The following ELF2 variants were observed in gnomAD, a reference collection of about 807,000 sequenced individuals.
ELF2 encodes E74 like ETS transcription factor 2, also known as ETS-related transcription factor Elf-2.
In ELF2, 11 loss-of-function variants were observed where a neutral mutation model predicts 54.8. That is an observed-to-expected ratio of 0.20 (90% CI 0.13 to 0.33). The LOEUF is 0.33. Ranked by LOEUF, ELF2 falls within the 10% of genes least tolerant of loss-of-function variation. The pLI is 1.00. For missense variants in ELF2, 513 were observed against 703.0 expected (o/e 0.73, Z 3.06); for synonymous variants, 203 against 245.1 (o/e 0.83, Z 1.61).
At chr4:139,136,828 C>T (rs1313004471) in intron 3 of ELF2, 1 of 151,626 alleles carries the variant, frequency 6.6e-6, no homozygotes, top group Non-Finnish European at 1.5e-5. Flanking sequence ...CCACGCCTGG[C>T]TAATTTTTTT....
At position 139,103,823 on chromosome 4, in the gene ELF2, C is replaced by A. The variant is rs116185234; in HGVS notation, c.238+21341G>T. 4.4e-3 allele frequency among the ~76,000 whole-genome samples: 672 copies of A among 152,322 alleles called. 9 individuals are homozygous for A. The highest frequency in any genetic ancestry group is 0.015 in the African/African-American group (638 of 41,566). On this transcript the variant is annotated intron_variant, in intron 4 of 9. Coordinates refer to ENST00000686138, the MANE Select transcript of ELF2 (RefSeq NM_001331036.3). Reference sequence around the variant, plus strand: ...CATGGTAATCAGATGTCCCAGAGGTCTTCTGTGTTAACTGTTGAGAGCATA... The same window carrying A: ...CATGGTAATCAGATGTCCCAGAGGTATTCTGTGTTAACTGTTGAGAGCATA...
At chr4:139,122,221 C>G (rs149577610) in intron 4 of ELF2, among the ~76,000 whole-genome samples, 1 of 152,298 alleles carries the variant, frequency 6.6e-6, no homozygotes, top group African/African-American at 2.4e-5. Flanking sequence ...GGGAAGTATT[C>G]TATACAGATC....
chr4:139,150,941 C>T lies in ELF2; in HGVS notation c.-251-11444G>A, dbSNP rs567083540. 5.0e-4 allele frequency among the ~76,000 whole-genome samples: 73 copies of T among 146,490 alleles called. 1 individual carries two copies. Among genetic ancestry groups the T allele is most frequent in the African/African-American group, 1.7e-3 (66 of 38,464 alleles). The stretch of plus-strand genomic sequence containing the variant: ...TCAGGAGACTGAGGCAGGAGAATGG[C>T]GTGAACCCGGGAGGCGAGCTTGCAG... On this transcript the variant is annotated intron_variant, in intron 1 of 9. Transcript: ENST00000686138.
chr4:139,106,695 G>T, intron 4 of ELF2, among the ~76,000 whole-genome samples: 1 of 148,296 alleles, frequency 6.7e-6, no homozygotes, highest in Non-Finnish European at 1.5e-5. Context: ...AGAAACACAT[G>T]CATTGATATA....
rs1041252821 is a variant in ELF2 at position 139,078,681 on chromosome 4, T to C, written c.239-5114A>G. On this transcript the variant is annotated intron_variant, in intron 4 of 9. Transcript: ENST00000686138. ...ATTAATTAAAATTAAAAATTGAGTT[T>C]CTTAGCTACATTTTAAGTACTCAGA... Among the ~76,000 whole-genome samples the C allele has an allele frequency of 1.5e-4, 23 of 151,910 alleles. 1 individual carries two copies. The highest frequency in any genetic ancestry group is 5.1e-4 in the African/African-American group (21 of 41,342).
At chr4:139,134,557 A>G (rs965318662) in intron 3 of ELF2, among the ~76,000 whole-genome samples, 8 of 144,410 alleles carry the variant, frequency 5.5e-5, no homozygotes, top group African/African-American at 1.9e-4. Flanking sequence ...GTATTGTTTT[A>G]TTTTATGTTA....
At chr4:139,164,128 G>A (rs1009702409) in intron 1 of ELF2, among the ~76,000 whole-genome samples, 19 of 145,740 alleles carry the variant, frequency 1.3e-4, no homozygotes, top group African/African-American at 4.8e-4. Flanking sequence ...GGGAGAGAGA[G>A]AAAGAGAAAG....
intron 4 of ELF2, among the ~76,000 whole-genome samples, chr4:139,122,937 C>T (rs958348081): frequency 2.0e-5 from 3 of 151,822 alleles, no homozygotes; most frequent in Admixed American, 2.0e-4. Flanking sequence ...ATAATCCCAG[C>T]ACTTTGGGAG....
At chr4:139,172,325 A>G (rs1742389421) in intron 1 of ELF2, among the ~76,000 whole-genome samples, 1 of 152,238 alleles carries the variant, frequency 6.6e-6, no homozygotes, top group Admixed American at 6.5e-5. Flanking sequence ...AAAATGATAA[A>G]TGGAAAATTT....
At chr4:139,137,609 G>A in intron 3 of ELF2, 21 bp downstream of exon 3, 1 of 1,604,582 alleles carries the variant, frequency 6.2e-7, no homozygotes, top group Non-Finnish European at 8.5e-7. Context: ...AAATAGAAAT[G>A]TAATTCATTG....
At position 139,073,564 on chromosome 4, in the gene ELF2, T is replaced by C; in HGVS notation, c.242A>G (p.Glu81Gly). ...TGCATTACTGCTGTGAACTGATGCTTCCACTGGAGGAAAAATAAGTTCTAC... is the reference window on the plus strand; with the variant it reads ...TGCATTACTGCTGTGAACTGATGCTCCCACTGGAGGAAAAATAAGTTCTAC... ...EVETENVETVEASVHSSNAHC... is the reference protein window; with the variant it reads ...EVETENVETVGASVHSSNAHC... Residue 81 changes from glutamate to glycine, a missense_variant, in exon 5 of 10, where the codon GAA becomes GGA. Physicochemically the swap from Glu to Gly is moderately conservative, Grantham distance 98. Around this residue, in one of 3 missense-constraint regions of ELF2, gnomAD observed 203 missense variants for 245.9 expected, o/e 0.83. Transcript: ENST00000686138. 1.3e-6 allele frequency: 2 copies of C among 1,518,274 alleles called. No individual in the cohort carries two copies. The highest frequency in any genetic ancestry group is 1.4e-5 in the African/African-American group (1 of 72,730). 94.1% of individuals were successfully genotyped at this position (1,518,274 alleles called of 1,614,324 possible).
Position 139,072,037 on chromosome 4 carries a change from C to T in ELF2, c.355G>A (p.Glu119Lys), listed in dbSNP as rs764454479. The T allele has an allele frequency of 1.9e-6, 3 of 1,606,992 alleles. No homozygotes were observed. Among genetic ancestry groups the T allele is most frequent in the Non-Finnish European group, 2.5e-6 (3 of 1,178,518 alleles). Residue 119 changes from glutamate (E) to lysine (K), a missense_variant and splice_region_variant, in exon 6 of 10, where the codon GAA becomes AAA. Transcript: ENST00000686138. ...TCLRDSRSPV[E>K]VFVPPCVSTP... ...GATACACAAGGAGGAACAAACACTT[C>T]CACTATAAAAAAAAGTTGAAAAATT...
intron 9 of ELF2, 30 bp from the exon 10 acceptor site, chr4:139,059,637 A>G: frequency 6.3e-7 from 1 of 1,583,838 alleles, no homozygotes; most frequent in Non-Finnish European, 8.6e-7. Flanking sequence ...AAAGCTGATT[A>G]TATTTAATGC....
chr4:139,114,537 T>G (rs1002971229), intron 4 of ELF2, among the ~76,000 whole-genome samples: 3 of 99,940 alleles, frequency 3.0e-5, no homozygotes, highest in Non-Finnish European at 4.0e-5. Context: ...CACTCCAGCC[T>G]GGCAACAGAG....
At chr4:139,097,435 G>C (rs1733397851) in intron 4 of ELF2, among the ~76,000 whole-genome samples, 1 of 152,032 alleles carries the variant, frequency 6.6e-6, no homozygotes, top group Non-Finnish European at 1.5e-5. Context: ...GGCAAATATG[G>C]GTGAAACCCC....
intron 4 of ELF2, among the ~76,000 whole-genome samples, chr4:139,097,360 C>T (rs576179380): frequency 2.9e-4 from 44 of 152,120 alleles, no homozygotes; most frequent in Admixed American, 1.0e-3. Flanking sequence ...TTCGGCCAGA[C>T]GCGGTGGCAC....
chr4:139,092,790 C>T (rs1263137602), intron 4 of ELF2, among the ~76,000 whole-genome samples: 1 of 151,602 alleles, frequency 6.6e-6, no homozygotes, highest in Non-Finnish European at 1.5e-5. Flanking sequence ...GACAGAGAGA[C>T]TCCGTCTCAA....
intron 3 of ELF2, among the ~76,000 whole-genome samples, chr4:139,128,814 A>AC (rs1202760478): frequency 5.3e-5 from 8 of 151,312 alleles, no homozygotes; most frequent in African/African-American, 1.9e-4. Flanking sequence ...GGGCCACCAT[A>AC]CCCAGCCTCA....
chr4:139,062,954 T>C (rs529798620), intron 7 of ELF2, among the ~76,000 whole-genome samples: 1 of 152,212 alleles, frequency 6.6e-6, no homozygotes, highest in African/African-American at 2.4e-5. Flanking sequence ...TAAGACTTGA[T>C]AGCAAAGAAC....
Sources: allele counts gnomAD v4.1 joint callset (sites outside exome capture counted in the v4.1 genomes callset), GRCh38; gene constraint gnomAD v4.1.1; regional missense constraint gnomAD v4.1.1; transcripts MANE v1.5; gene names NCBI Gene and HGNC (gene_info 2026-07-23, HGNC 2026-07-21).